IFT122: variants seen among roughly 807,000 people sequenced by gnomAD.
IFT122 encodes intraflagellar transport protein 122 homolog.
In IFT122, 118 loss-of-function variants were observed where a neutral mutation model predicts 161.6. That is an observed-to-expected ratio of 0.73 (90% CI 0.63 to 0.85). The LOEUF is 0.85. Ranked by LOEUF, IFT122 falls within the 40% of genes least tolerant of loss-of-function variation. The pLI is 0.00. For missense variants in IFT122, 1,381 were observed against 1,579.6 expected, an observed-to-expected ratio of 0.87 and a Z score of 2.13; for synonymous variants, 550 against 602.4, an observed-to-expected ratio of 0.91 and a Z score of 1.27.
intron 22 of IFT122, among the ~76,000 whole-genome samples, chr3:129,507,312 G>A (rs141810997): frequency 6.6e-6 from 1 of 152,356 alleles, no homozygotes; most frequent in Non-Finnish European, 1.5e-5. Flanking sequence ...TACAGTTGGT[G>A]TCTGCCTGCC....
chr3:129,517,058 C>T (rs1246390386), intron 26 of IFT122, among the ~76,000 whole-genome samples: 1 of 141,502 alleles, frequency 7.1e-6, no homozygotes, highest in Non-Finnish European at 1.5e-5. Context: ...CACACACACA[C>T]ACAGACTGCC....
At chr3:129,510,748 G>A (rs1240467440) in intron 23 of IFT122, among the ~76,000 whole-genome samples, 3 of 152,212 alleles carry the variant, frequency 2.0e-5, no homozygotes, top group Non-Finnish European at 4.4e-5. Context: ...ACCAGCTGGG[G>A]CCCTGGCTCT....
At chr3:129,519,899 A>G (rs1205210647) in intron 29 of IFT122, among the ~76,000 whole-genome samples, 167 bp downstream of exon 29, 1 of 152,070 alleles carries the variant, frequency 6.6e-6, no homozygotes, top group East Asian at 1.9e-4. Flanking sequence ...ATGTGCATCT[A>G]AAGTGGACTT....
At chr3:129,509,825 C>T (rs184205682) in intron 23 of IFT122, among the ~76,000 whole-genome samples, 5 of 152,266 alleles carry the variant, frequency 3.3e-5, no homozygotes, top group African/African-American at 9.6e-5. Context: ...TGGGTAAACT[C>T]GAGAGTCCTC....
At chr3:129,475,038 C>A (rs2077752171) in intron 9 of IFT122, among the ~76,000 whole-genome samples, 2 of 152,016 alleles carry the variant, frequency 1.3e-5, no homozygotes, top group Non-Finnish European at 2.9e-5. Context: ...GCCTCTAGTC[C>A]CAGCTACTGG....
rs747257777 is a variant in IFT122, at chr3:129,481,667, C to A, written c.1626C>A (p.Asp542Glu). ...AAAATGACACTTGCCTGGTGTATGA[C>A]ATCGACACCAAGGAGCTGCTTTTTC... ...VDENDTCLVY[D>E]IDTKELLFQE... The change falls in exon 14 of 30, where the codon GAC (aspartate) becomes GAA (glutamate). Residue 542 changes from aspartate to glutamate, a missense_variant. Around this residue, in one of 7 missense-constraint regions of IFT122, gnomAD observed 544 missense variants for 648.0 expected, o/e 0.84. Coordinates refer to ENST00000348417, the MANE Select transcript of IFT122 (RefSeq NM_052989.3). 1.2e-6 allele frequency: 2 copies of A among 1,614,082 alleles called. No homozygotes were observed. The highest frequency in any genetic ancestry group is 1.7e-6 in the Non-Finnish European group (2 of 1,179,922).
At position 129,517,410 on chromosome 3, in the gene IFT122, T is replaced by G. The variant is rs1316672369; in HGVS notation, c.3266-59T>G. ...CAACTCTGTGGTCACCCCACCTGCC[T>G]GGCGGCAAGTCCTTTGCAAGGCCTC... On this transcript the variant is annotated intron_variant, in intron 26 of 29. Transcript: ENST00000348417. 2.1e-5 allele frequency: 33 copies of G among 1,604,714 alleles called. No individual in the cohort carries two copies. In the Admixed American group the frequency reaches 5.5e-4, roughly 27 times the overall value.
chr3:129,479,220 G>A (rs895715348), intron 12 of IFT122, among the ~76,000 whole-genome samples: 2 of 119,220 alleles, frequency 1.7e-5, no homozygotes, highest in Non-Finnish European at 3.3e-5. Flanking sequence ...CTAGTAGTTC[G>A]AAAGCAGTCT....
In IFT122 at chr3:129,465,933, C is replaced by T. The variant is rs1386009811; in HGVS notation, c.564-957C>T. ...CTGGGATTACAGGCGTGAGCCACCG[C>T]GCACGCCTGGCTAATTTTTTGTTGC... On this transcript the variant is annotated intron_variant, in intron 7 of 29. Coordinates refer to ENST00000348417, the MANE Select transcript of IFT122 (RefSeq NM_052989.3). Among the ~76,000 whole-genome samples, 4 of 92,562 alleles carry T rather than the reference C, an allele frequency of 4.3e-5. 1 individual carries two copies. The highest frequency in any genetic ancestry group is 1.7e-4 in the African/African-American group (2 of 11,492). The allele number at this position is 92,562 out of a possible 152,430, so 60.7% of individuals were successfully genotyped here.
intron 9 of IFT122, among the ~76,000 whole-genome samples, chr3:129,471,804 TTG>T (rs918809585): frequency 6.6e-6 from 1 of 152,160 alleles, no homozygotes; most frequent in Non-Finnish European, 1.5e-5. Context: ...GAGGTATAAT[TTG>T]TGTATTTTTG....
chr3:129,476,890 G>T (rs1287538935), intron 11 of IFT122, 89 bp downstream of exon 11: 5 of 1,558,342 alleles, frequency 3.2e-6, no homozygotes, highest in Non-Finnish European at 4.4e-6. Flanking sequence ...GACAGGAAAA[G>T]GTTTCTCTTT....
In IFT122 at chr3:129,483,471, T is replaced by A; in HGVS notation, c.1654-14T>A. ...GGTGGTTCTCACAGGATCCCCACTG[T>A]CCCTGTTCCCCAGGAACCAAACGCC... On this transcript the variant is annotated splice_polypyrimidine_tract_variant and intron_variant, in intron 14 of 29. Coordinates refer to ENST00000348417, the MANE Select transcript of IFT122 (RefSeq NM_052989.3). The A allele has an allele frequency of 6.2e-7, 1 of 1,612,884 alleles. No homozygotes were observed. Among genetic ancestry groups the A allele is most frequent in the Non-Finnish European group, 8.5e-7 (1 of 1,179,074 alleles).
At position 129,445,408 on chromosome 3, in the gene IFT122, T is replaced by G. The variant is rs952357438; in HGVS notation, c.42-4463T>G. Among the ~76,000 whole-genome samples, 4 of 152,222 alleles carry G rather than the reference T, an allele frequency of 2.6e-5. 1 individual carries two copies. Among genetic ancestry groups the G allele is most frequent in the Non-Finnish European group, 5.9e-5 (4 of 68,038 alleles). On this transcript the variant is annotated intron_variant, in intron 1 of 29. Transcript: ENST00000348417. ...ATTTCCATTCAGTAGCACTTTATTT[T>G]CAGGCAAGTTATTTAACTTCTCTGT...
At chr3:129,496,816 G>A (rs553922914) in intron 18 of IFT122, among the ~76,000 whole-genome samples, 2 of 152,270 alleles carry the variant, frequency 1.3e-5, no homozygotes, top group South Asian at 4.1e-4. Context: ...ACACCTAGAA[G>A]ATTTCATAAC....
chr3:129,442,034 AGAAGCTAGGAATCTGG>A (rs2073242643), intron 1 of IFT122, among the ~76,000 whole-genome samples: 1 of 152,144 alleles, frequency 6.6e-6, no homozygotes, highest in South Asian at 2.1e-4. Context: ...TGTTTTTACC[AGAAGCTAGGAATCTGG>A]GTTTTTATGT....
chr3:129,488,073 G>C lies in IFT122; in HGVS notation c.1852-184G>C, dbSNP rs937557540. On this transcript the variant is annotated intron_variant, in intron 15 of 29. Coordinates refer to ENST00000348417, the MANE Select transcript of IFT122 (RefSeq NM_052989.3). ...AGCACAGTAGCCCAGTCATGAGAGA[G>C]GTGCAGGATGGAGCACACAGGGTGG... 8.3e-6 allele frequency: 7 copies of C among 845,702 alleles called. No individual in the cohort carries two copies. In the African/African-American group the frequency reaches 1.0e-4, roughly 12 times the overall value. 52.4% of individuals were successfully genotyped at this position (845,702 alleles called of 1,614,324 possible). A position where few individuals can be genotyped will look rare whatever the true frequency, so the allele number is the denominator to read the frequency against.
At chr3:129,492,060 C>T (rs1241216648) in intron 16 of IFT122, 81 bp from the exon 17 acceptor site, 1 of 1,037,790 alleles carries the variant, frequency 9.6e-7, no homozygotes, top group African/African-American at 1.6e-5. Flanking sequence ...CTAGATAGAG[C>T]TTGACTTCCC....
rs561698295 is a variant in IFT122, at chr3:129,504,401, G to A, written c.2630G>A (p.Arg877His). 63 of 1,613,946 alleles carry A rather than the reference G, an allele frequency of 3.9e-5. No individual in the cohort carries two copies. The highest frequency in any genetic ancestry group is 1.7e-4 in the Middle Eastern group (1 of 6,052). Residue 877 changes from arginine to histidine, a missense_variant, in exon 21 of 30, where the codon CGC (arginine) becomes CAC (histidine). Coordinates refer to ENST00000348417, the MANE Select transcript of IFT122 (RefSeq NM_052989.3). ...PYAQWLAEND[R>H]FEEAQKAFHK... ...GCTCAGTGGCTAGCAGAGAACGATC[G>A]CTTTGAGGAAGCCCAGAAAGGTAGG...
chr3:129,453,339 G>A (rs915534992), intron 3 of IFT122, among the ~76,000 whole-genome samples: 3 of 152,100 alleles, frequency 2.0e-5, no homozygotes, highest in African/African-American at 7.2e-5. Flanking sequence ...GTGGCAATGG[G>A]GAAGGGAGGT....
Sources: gnomAD v4.1 joint callset for allele counts (sites outside exome capture counted in the v4.1 genomes callset) on GRCh38, gnomAD v4.1.1 for gene constraint, gnomAD v4.1.1 regional missense constraint, MANE v1.5 for transcripts, NCBI Gene and HGNC (gene_info 2026-07-23, HGNC 2026-07-21) for gene names.